NSD3: variants seen among roughly 807,000 people sequenced by gnomAD.
NSD3 encodes the protein nuclear receptor binding SET domain protein 3, also known as histone-lysine N-methyltransferase NSD3.
A neutral mutation model predicts 160.8 loss-of-function variants in NSD3; 24 were observed. That is an observed-to-expected ratio of 0.15 (90% confidence interval 0.11 to 0.21). NSD3 has a LOEUF of 0.21. Among genes scored for constraint, NSD3 ranks in the 10% least tolerant of loss-of-function variants. The pLI, the probability that NSD3 is intolerant of heterozygous loss-of-function variation, is 1.00. For synonymous variants in NSD3, 520 were observed against 600.0 expected (o/e 0.87, Z 1.95); for missense variants, 1,157 against 1,735.9 (o/e 0.67, Z 5.93).
intron 21 of NSD3, 138 bp downstream of exon 21, chr8:38,279,402 G>T: frequency 9.5e-7 from 1 of 1,054,082 alleles, no homozygotes; most frequent in Non-Finnish European, 1.3e-6. Context: ...CCTTTTATTT[G>T]AATACGTTTT....
In NSD3 at chr8:38,337,479, G is replaced by C. The variant is rs755536362; in HGVS notation, c.748-12C>G. The C allele has an allele frequency of 3.9e-6, 6 of 1,528,924 alleles. No individual in the cohort carries two copies. The highest frequency in any genetic ancestry group is 1.3e-5 in the South Asian group (1 of 76,622). The allele number at this position is 1,528,924 out of a possible 1,614,324, so 94.7% of individuals were successfully genotyped here. On this transcript the variant is annotated splice_polypyrimidine_tract_variant and intron_variant, in intron 3 of 23. Coordinates refer to ENST00000317025, the MANE Select transcript of NSD3 (RefSeq NM_023034.2). The stretch of plus-strand genomic sequence containing the variant: ...AGTATTGGCTGAACCTACAGGAAAG[G>C]GTCAAAAAACTTCATCAGAAATTCA...
At chr8:38,309,013 A>G (rs1203216779) in intron 12 of NSD3, among the ~76,000 whole-genome samples, 2 of 151,050 alleles carry the variant, frequency 1.3e-5, no homozygotes, top group Admixed American at 6.6e-5. Context: ...TTCATTAAGA[A>G]CAAGTCAGTC....
Position 38,317,784 on chromosome 8 carries a change from T to A in NSD3, c.1855+1111A>T. ...CCGAAAAAAAAAAATCATTTGACTG[T>A]TAAAGCAATTGTTCAGAGTCTTGAA... On this transcript the variant is annotated intron_variant, in intron 9 of 23. Transcript: ENST00000317025. The surrounding 1 kb of genome is among the most constrained non-coding windows in gnomAD (Gnocchi z 5.3). 7.0e-7 allele frequency: 1 copy of A among 1,427,554 alleles called. No homozygotes were observed. The highest frequency in any genetic ancestry group is 9.1e-7 in the Non-Finnish European group (1 of 1,095,076). 88.4% of individuals were successfully genotyped at this position (1,427,554 alleles called of 1,614,324 possible).
Position 38,314,894 on chromosome 8 carries a change from C to T in NSD3, c.2116-121G>A, listed in dbSNP as rs1362248947. ...ACAGACTGTGATTCAGTAGGTCTGG[C>T]GGGGGCCCCAAGAATGTGCATTTCT... On this transcript the variant is annotated intron_variant, in intron 11 of 23. Coordinates refer to ENST00000317025, the MANE Select transcript of NSD3 (RefSeq NM_023034.2). The T allele has an allele frequency of 2.0e-5, 22 of 1,089,414 alleles. 1 individual carries two copies. The highest frequency in any genetic ancestry group is 2.6e-5 in the East Asian group (1 of 38,458). The allele number at this position is 1,089,414 out of a possible 1,614,324, so 67.5% of individuals were successfully genotyped here.
intron 22 of NSD3, among the ~76,000 whole-genome samples, chr8:38,277,126 G>C (rs549320486): frequency 3.5e-4 from 54 of 152,166 alleles, no homozygotes; most frequent in Non-Finnish European, 6.3e-4. Flanking sequence ...TATTTTAGTA[G>C]AGACGGGGTT....
intron 1 of NSD3, among the ~76,000 whole-genome samples, chr8:38,351,344 G>C (rs547955043): frequency 4.6e-5 from 7 of 151,536 alleles, no homozygotes; most frequent in Non-Finnish European, 8.8e-5. Flanking sequence ...CTGATGAACT[G>C]ATTGTAGCTT....
intron 4 of NSD3, among the ~76,000 whole-genome samples, chr8:38,334,981 ATTT>A (rs1166396294): frequency 3.0e-5 from 4 of 132,874 alleles, no homozygotes; most frequent in African/African-American, 5.6e-5. Flanking sequence ...CCAGGCTAGA[ATTT>A]TTTTTTTTTT....
chr8:38,301,990 T>C (rs532137324), intron 14 of NSD3, among the ~76,000 whole-genome samples: 2 of 152,364 alleles, frequency 1.3e-5, no homozygotes, highest in South Asian at 4.1e-4. Flanking sequence ...TGCTAAAGAA[T>C]GTGCACTACA....
Position 38,299,582 on chromosome 8 carries a change from C to A in NSD3, c.2620G>T (p.Val874Phe). The change falls in exon 15 of 24, where the codon GTT (valine) becomes TTT (phenylalanine). Residue 874 changes from valine to phenylalanine, a missense_variant. This residue lies in a region of NSD3 where 437 missense variants were observed against 576.6 expected (regional missense o/e 0.76). Coordinates refer to ENST00000317025, the MANE Select transcript of NSD3 (RefSeq NM_023034.2). ...AACATGGGGTCTGAATGGTCCTGAA[C>A]TATCAGCCCTATACGAAACAAACAG... ...FCFVCARGLI[V>F]QDHSDPMFSS... The A allele has an allele frequency of 6.3e-7, 1 of 1,595,918 alleles. No individual in the cohort carries two copies. The highest frequency in any genetic ancestry group is 8.5e-7 in the Non-Finnish European group (1 of 1,173,028).
At chr8:38,315,653 A>G (rs1809642741) in intron 10 of NSD3, 109 bp from the exon 11 acceptor site, 1 of 1,445,232 alleles carries the variant, frequency 6.9e-7, no homozygotes, top group Non-Finnish European at 9.4e-7. Context: ...ATCTTGACAC[A>G]ACCACCTTTT....
chr8:38,297,051 T>C (rs1166950989), intron 15 of NSD3, among the ~76,000 whole-genome samples: 1 of 152,208 alleles, frequency 6.6e-6, no homozygotes, highest in Admixed American at 6.5e-5. Flanking sequence ...AAATGTGTAA[T>C]TGTTAGATTT....
At chr8:38,351,554 T>C (rs901909029) in intron 1 of NSD3, among the ~76,000 whole-genome samples, 1 of 151,424 alleles carries the variant, frequency 6.6e-6, no homozygotes, top group Non-Finnish European at 1.5e-5. Flanking sequence ...TCCCAGCTAC[T>C]TGGGAGGCTG....
rs1808413841 is a variant in NSD3, at chr8:38,270,431, A to G, written c.*5210T>C. The G allele has an allele frequency of 6.6e-6, 1 of 152,214 alleles. No homozygotes were observed. The highest frequency in any genetic ancestry group is 6.5e-5 in the Admixed American group (1 of 15,284). 9.4% of individuals were successfully genotyped at this position (152,214 alleles called of 1,614,324 possible). A position where few individuals can be genotyped will look rare whatever the true frequency, so the allele number is the denominator to read the frequency against. ...TCATATCAATTCCAAATATACACATACCCTTGTATATAAAAAATGATATTA... is the reference window on the plus strand; with the variant it reads ...TCATATCAATTCCAAATATACACATGCCCTTGTATATAAAAAATGATATTA... On this transcript the variant is annotated 3_prime_UTR_variant, in exon 24 of 24. Coordinates refer to ENST00000317025, the MANE Select transcript of NSD3 (RefSeq NM_023034.2).
rs184219062 is a variant in NSD3, at chr8:38,344,391, C to T, written c.675+3106G>A. ...GGTTCAAGCAATTCCTGTGCCTCGGCCTCCCGAATAGTTGGGATTACAGGT... is the reference window on the plus strand; with the variant it reads ...GGTTCAAGCAATTCCTGTGCCTCGGTCTCCCGAATAGTTGGGATTACAGGT... On this transcript the variant is annotated intron_variant, in intron 2 of 23. Coordinates refer to ENST00000317025, the MANE Select transcript of NSD3 (RefSeq NM_023034.2). 3.9e-5 allele frequency among the ~76,000 whole-genome samples: 6 copies of T among 152,300 alleles called. No individual in the cohort carries two copies. The East Asian group carries it at 1.2e-3, about 29-fold the overall frequency.
intron 1 of NSD3, among the ~76,000 whole-genome samples, chr8:38,371,868 C>G (rs1444986831): frequency 2.0e-5 from 3 of 152,188 alleles, no homozygotes; most frequent in African/African-American, 4.8e-5. Flanking sequence ...TCAAATTTTT[C>G]TGCTATCCTA....
Position 38,329,976 on chromosome 8 carries a change from T to C in NSD3, c.1066-83A>G. 1 of 1,459,678 alleles carries C rather than the reference T, an allele frequency of 6.9e-7. No individual in the cohort carries two copies. The highest frequency in any genetic ancestry group is 1.4e-5 in the South Asian group (1 of 71,786). The allele number at this position is 1,459,678 out of a possible 1,614,324, so 90.4% of individuals were successfully genotyped here. A position where few individuals can be genotyped will look rare whatever the true frequency, so the allele number is the denominator to read the frequency against. On this transcript the variant is annotated intron_variant, in intron 5 of 23. Transcript: ENST00000317025. The surrounding 1 kb of genome is among the most constrained non-coding windows in gnomAD (Gnocchi z 4.8). ...GATATGTATTTCCCATGTGATCCTG[T>C]TATCTTTTCAGGTCTACATAAATAT...
intron 21 of NSD3, 150 bp from the exon 22 acceptor site, chr8:38,278,562 G>C (rs1283589557): frequency 1.7e-6 from 1 of 600,292 alleles, no homozygotes; most frequent in African/African-American, 1.9e-5. Context: ...TAACAGTGAT[G>C]GTAAAAAAAG....
chr8:38,280,230 G>C (rs971724344), intron 20 of NSD3: 2 of 152,266 alleles, frequency 1.3e-5, no homozygotes, highest in Non-Finnish European at 2.9e-5. Flanking sequence ...ACAATACATT[G>C]AAAAGCTGAA....
intron 19 of NSD3, among the ~76,000 whole-genome samples, chr8:38,282,855 A>G (rs1808764691): frequency 6.6e-6 from 1 of 152,208 alleles, no homozygotes; most frequent in African/African-American, 2.4e-5. Context: ...CCATTTGTTT[A>G]GCCATTCACC....
Sources: allele counts gnomAD v4.1 joint callset (sites outside exome capture counted in the v4.1 genomes callset), GRCh38; gene constraint gnomAD v4.1.1; regional missense constraint gnomAD v4.1.1; non-coding constraint Gnocchi (gnomAD v3.1); transcripts MANE v1.5; gene names NCBI Gene and HGNC (gene_info 2026-07-23, HGNC 2026-07-21).